Variants in GARNL3 observed in about 807,000 individuals in gnomAD.
The protein encoded by GARNL3 is GTPase activating Rap/RanGAP domain like 3.
GARNL3 carries 63 observed loss-of-function variants against 125.0 expected under a neutral mutation model. The observed-to-expected ratio is 0.50, with a 90% CI of 0.41 to 0.62. GARNL3 has a LOEUF of 0.62. Among genes scored for constraint, GARNL3 ranks in the 20% least tolerant of loss-of-function variants. The probability of loss-of-function intolerance (pLI) is 0.00; values close to 1 mark genes in which losing one functional copy is unlikely to be tolerated. For missense variants in GARNL3, 994 were observed against 1,244.0 expected (o/e 0.80, Z 3.02); for synonymous variants, 439 against 457.5 (o/e 0.96, Z 0.52).
rs564889575 is a variant in GARNL3 at position 127,372,607 on chromosome 9, TA to T, written c.2161+7242del. Among the ~76,000 whole-genome samples the T allele has an allele frequency of 2.7e-4, 41 of 152,358 alleles. No individual in the cohort carries two copies. In the East Asian group the frequency reaches 7.9e-3, roughly 29 times the overall value. On this transcript the variant is annotated intron_variant, in intron 22 of 27. Coordinates refer to ENST00000373387, the MANE Select transcript of GARNL3 (RefSeq NM_032293.5). ...GCTCTACATAGTGTAATATATGTTT[TA>T]TCTGAATGTTGAGACACACTAAGGA...
chr9:127,264,005 A>G (rs2063648081), upstream of GARNL3: 1 of 1,492,890 alleles, frequency 6.7e-7, no homozygotes. Flanking sequence ...AAAAGGTACT[A>G]AATGCACCTT....
Position 127,264,837 on chromosome 9 carries a change from C to A in GARNL3, c.-41C>A. The A allele has an allele frequency of 6.7e-7, 1 of 1,491,672 alleles. No individual in the cohort carries two copies. The highest frequency in any genetic ancestry group is 1.4e-5 in the South Asian group (1 of 71,724). The allele number at this position is 1,491,672 out of a possible 1,614,324, so 92.4% of individuals were successfully genotyped here. ...AGGAGGCTCCCCTGCAGTGAGGAGCCGGGGCACTGCAAGTCTGTTCCATAG... is the reference window on the plus strand; with the variant it reads ...AGGAGGCTCCCCTGCAGTGAGGAGCAGGGGCACTGCAAGTCTGTTCCATAG... On this transcript the variant is annotated 5_prime_UTR_variant, in exon 1 of 28. Transcript: ENST00000373387.
chr9:127,231,228 G>GTTTTTTTTTTTTTTTTT (rs34963289), intron 1 of GARNL3, among the ~76,000 whole-genome samples: 1 of 100,532 alleles, frequency 9.9e-6, no homozygotes, highest in Non-Finnish European at 1.9e-5. Flanking sequence ...CTAATTTTTT[G>GTTTTTTTTTTTTTTTTT]TTTTTTTTTT....
chr9:127,358,227 A>G (rs1830792021), intron 21 of GARNL3, among the ~76,000 whole-genome samples: 1 of 152,246 alleles, frequency 6.6e-6, no homozygotes, highest in Non-Finnish European at 1.5e-5. Context: ...GAGAGCGTTC[A>G]GCACTGACAC....
intron 2 of GARNL3, 65 bp downstream of exon 2, chr9:127,291,307 C>A: frequency 7.2e-7 from 1 of 1,392,614 alleles, no homozygotes; most frequent in Non-Finnish European, 1.0e-6. Flanking sequence ...TGGGATATAG[C>A]AGTGAAAGAG....
rs892431175 is a variant in GARNL3, at chr9:127,242,023, C to T, written c.-28-1056C>T. 6.6e-6 allele frequency among the ~76,000 whole-genome samples: 1 copy of T among 152,050 alleles called. No homozygotes were observed. Among genetic ancestry groups the T allele is most frequent in the African/African-American group, 2.4e-5 (1 of 41,382 alleles). On this transcript the variant is annotated intron_variant, in intron 1 of 10. Coordinates refer to the GARNL3 transcript ENST00000439286. This position sits in a 1 kb window ranked among gnomAD's most constrained non-coding sequence, Gnocchi z 4.6. ...GGTCTAACTGGCACCACTATAGAAC[C>T]TTCAGAGTGGCCAGTGCCTATCTGA...
intron 22 of GARNL3, among the ~76,000 whole-genome samples, chr9:127,372,331 A>C (rs1215047698): frequency 6.6e-6 from 1 of 152,162 alleles, no homozygotes; most frequent in Non-Finnish European, 1.5e-5. Context: ...CCAAGAAAGA[A>C]GCCATGAGGT....
chr9:127,228,302 T>C (rs1249773497), intron 1 of GARNL3, among the ~76,000 whole-genome samples: 1 of 152,218 alleles, frequency 6.6e-6, no homozygotes, highest in African/African-American at 2.4e-5. Context: ...AAACAGGTCA[T>C]CATAAATTTA....
intron 2 of GARNL3, among the ~76,000 whole-genome samples, chr9:127,293,285 G>A (rs769939294): frequency 5.3e-5 from 8 of 152,122 alleles, no homozygotes; most frequent in Non-Finnish European, 1.2e-4. Context: ...CAAACAAATT[G>A]CAAATTTTGT....
intron 1 of GARNL3, among the ~76,000 whole-genome samples, chr9:127,225,780 C>G (rs1316500968): frequency 6.7e-6 from 1 of 149,894 alleles, no homozygotes; most frequent in Non-Finnish European, 1.5e-5. Flanking sequence ...CCCTGGCAGC[C>G]GCACACCTGC....
At chr9:127,317,997 C>T (rs946994338) in intron 4 of GARNL3, 66 bp from the exon 5 acceptor site, 11 of 940,522 alleles carry the variant, frequency 1.2e-5, no homozygotes, top group Admixed American at 3.4e-5. Flanking sequence ...TTGAATGACC[C>T]GAGAGGCTCT....
chr9:127,243,259 T>C, intron 2 of GARNL3: 4 of 1,366,260 alleles, frequency 2.9e-6, no homozygotes, highest in Non-Finnish European at 3.9e-6. Flanking sequence ...TGTAAGTAAG[T>C]AAAAGAAGCA....
chr9:127,351,731 T>C (rs1830434691), intron 17 of GARNL3, among the ~76,000 whole-genome samples: 1 of 152,232 alleles, frequency 6.6e-6, no homozygotes, highest in African/African-American at 2.4e-5. Context: ...TCAAGACCTT[T>C]TGTATCCTAA....
At chr9:127,352,915 A>G (rs1830488087) in intron 17 of GARNL3, among the ~76,000 whole-genome samples, 1 of 152,214 alleles carries the variant, frequency 6.6e-6, no homozygotes, top group Non-Finnish European at 1.5e-5. Context: ...AGAATGAGCC[A>G]GCCACTTCTC....
In GARNL3 at chr9:127,385,994, A is replaced by C. The variant is rs1832523246; in HGVS notation, c.2388+849A>C. 1.3e-5 allele frequency among the ~76,000 whole-genome samples: 2 copies of C among 152,274 alleles called. No individual in the cohort carries two copies. Among genetic ancestry groups the C allele is most frequent in the Non-Finnish European group, 2.9e-5 (2 of 68,050 alleles). ...GCATGTATGTATCATATGCGTGTAC[A>C]TTAGTTGATTGTAAATAGCTTACAA... On this transcript the variant is annotated intron_variant, in intron 24 of 27. Transcript: ENST00000373387. The surrounding 1 kb of genome is among the most constrained non-coding windows in gnomAD (Gnocchi z 4.1).
intron 14 of GARNL3, among the ~76,000 whole-genome samples, chr9:127,342,604 A>C (rs186811546): frequency 4.5e-4 from 69 of 152,318 alleles, no homozygotes; most frequent in Non-Finnish European, 8.8e-5. Context: ...GAGGTTGGGT[A>C]TCAATCAGCA....
At chr9:127,387,402 A>T in intron 25 of GARNL3, 71 bp downstream of exon 25, 1 of 1,369,578 alleles carries the variant, frequency 7.3e-7, no homozygotes, top group South Asian at 1.3e-5. Context: ...GTTGTCTAAT[A>T]TCTACATGTG....
At chr9:127,225,278 A>T in intron 1 of GARNL3, 26 of 887,130 alleles carry the variant, frequency 2.9e-5, no homozygotes, top group Non-Finnish European at 3.5e-5. Context: ...AGCCCACCCG[A>T]GTGCGCCCGA....
At position 127,327,526 on chromosome 9, in the gene GARNL3, T is replaced by C. The variant is rs556116825; in HGVS notation, c.594+2431T>C. On this transcript the variant is annotated intron_variant, in intron 7 of 27. Coordinates refer to ENST00000373387, the MANE Select transcript of GARNL3 (RefSeq NM_032293.5). ...TTGCTTTTGGGCAGGACAGTGGAAC[T>C]GGGGTGGGATGCAGCAGAGAGCAGG... is the stretch of plus-strand genomic sequence containing the variant. Among the ~76,000 whole-genome samples, 3 of 152,230 alleles carry C rather than the reference T, an allele frequency of 2.0e-5. No individual in the cohort carries two copies. The East Asian group carries it at 5.8e-4, about 29-fold the overall frequency.
Sources: allele counts gnomAD v4.1 joint callset (sites outside exome capture counted in the v4.1 genomes callset), GRCh38; gene constraint gnomAD v4.1.1; non-coding constraint Gnocchi (gnomAD v3.1); transcripts MANE v1.5; gene names NCBI Gene and HGNC (gene_info 2026-07-23, HGNC 2026-07-21).